Variants in TRPC3 observed in about 807,000 individuals in gnomAD.
The protein encoded by TRPC3 is short transient receptor potential channel 3.
TRPC3 carries 54 observed loss-of-function variants against 90.9 expected under a neutral mutation model. That is an observed-to-expected ratio of 0.59 (90% confidence interval 0.48 to 0.75). TRPC3 has a LOEUF of 0.75. TRPC3 is among the 30% of genes least tolerant of loss of function. TRPC3 has a pLI of 0.00. For missense variants in TRPC3, 918 were observed against 1,194.5 expected, an observed-to-expected ratio of 0.77 and a Z score of 3.41; for synonymous variants, 424 against 450.9, an observed-to-expected ratio of 0.94 and a Z score of 0.75.
At chr4:121,895,513 T>C (rs1728488778) in intron 10 of TRPC3, among the ~76,000 whole-genome samples, 1 of 151,802 alleles carries the variant, frequency 6.6e-6, no homozygotes, top group Admixed American at 6.6e-5. Flanking sequence ...GACATCACAA[T>C]GGATAATAGA....
intron 3 of TRPC3, among the ~76,000 whole-genome samples, chr4:121,916,536 G>C (rs1729323694): frequency 6.6e-6 from 1 of 152,158 alleles, no homozygotes; most frequent in Non-Finnish European, 1.5e-5. Context: ...GATCATGAGG[G>C]AGGAGCCTTC....
chr4:121,951,180 C>T lies in TRPC3; in HGVS notation c.215+286G>A, dbSNP rs1464407905. Among the ~76,000 whole-genome samples the T allele has an allele frequency of 6.6e-6, 1 of 152,210 alleles. No homozygotes were observed. The highest frequency in any genetic ancestry group is 1.5e-5 in the Non-Finnish European group (1 of 68,038). ...AGTGGCTGCTCGCCAGGATGCTTGTCTGAAGTCAGTGTGCCCGCCTGCGGG... is the reference window on the plus strand; with the variant it reads ...AGTGGCTGCTCGCCAGGATGCTTGTTTGAAGTCAGTGTGCCCGCCTGCGGG... On this transcript the variant is annotated intron_variant, in intron 1 of 11. Transcript: ENST00000379645. This position sits in a 1 kb window ranked among gnomAD's most constrained non-coding sequence, Gnocchi z 4.4.
intron 1 of TRPC3, among the ~76,000 whole-genome samples, chr4:121,946,496 C>T (rs576180647): frequency 1.1e-4 from 17 of 152,206 alleles, no homozygotes; most frequent in African/African-American, 2.7e-4. Context: ...CTTGACTTAG[C>T]GGTGAACAAT....
At chr4:121,916,772 G>A (rs1729332492) in intron 3 of TRPC3, among the ~76,000 whole-genome samples, 1 of 151,698 alleles carries the variant, frequency 6.6e-6, no homozygotes, top group African/African-American at 2.4e-5. Context: ...GGAGTGCAAT[G>A]GCACAATCTC....
rs1242816665 is a variant in TRPC3, at chr4:121,899,680, G to A, written c.2479C>T (p.Gln827Ter). 2.5e-6 allele frequency: 4 copies of A among 1,612,942 alleles called. No homozygotes were observed. The Admixed American group carries it at 5.0e-5, about 20-fold the overall frequency. ...GATTCAAAAACTCTTGAGTTAGACTGAGTGAAGAGGTTTAACTAGGAAAAA... is the reference window on the plus strand; with the variant it reads ...GATTCAAAAACTCTTGAGTTAGACTAAGTGAAGAGGTTTAACTAGGAAAAA... The part of the protein sequence containing the change: ...NSKSRLNLFT[Q>*]SNSRVFESHS... The change falls in exon 10 of 12, where the codon CAG becomes TAG. Residue 827 changes from glutamine (Q) to a stop codon, truncating the protein, a stop_gained. Transcript: ENST00000379645. LOFTEE classifies it high-confidence loss of function.
chr4:121,921,867 G>C (rs1257699773), intron 3 of TRPC3, among the ~76,000 whole-genome samples: 4 of 151,610 alleles, frequency 2.6e-5, no homozygotes, highest in Admixed American at 2.0e-4. Context: ...AATGAAGATG[G>C]GTGAGTGTTG....
intron 8 of TRPC3, among the ~76,000 whole-genome samples, chr4:121,903,873 G>A (rs1268201377): frequency 6.6e-6 from 1 of 152,148 alleles, no homozygotes; most frequent in Non-Finnish European, 1.5e-5. Context: ...CAACAGTGAA[G>A]AGAGGTACCA....
intron 2 of TRPC3, among the ~76,000 whole-genome samples, chr4:121,931,560 A>T (rs199692823): frequency 3.9e-4 from 10 of 25,462 alleles, no homozygotes; most frequent in African/African-American, 1.6e-3. Context: ...TTCACTTATT[A>T]AAAAAAATCT....
chr4:121,948,425 A>T (rs147928839), intron 1 of TRPC3, among the ~76,000 whole-genome samples: 10 of 151,134 alleles, frequency 6.6e-5, no homozygotes, highest in African/African-American at 2.4e-4. Flanking sequence ...ACTATTACAG[A>T]GTCTAATCTC....
At chr4:121,935,807 C>T (rs1730112545) in intron 1 of TRPC3, among the ~76,000 whole-genome samples, 1 of 152,010 alleles carries the variant, frequency 6.6e-6, no homozygotes, top group Admixed American at 6.6e-5. Flanking sequence ...TTAATGATTG[C>T]TATCTACAGG....
At position 121,877,201 on chromosome 4, in the gene TRPC3, G is replaced by A. The variant is rs1727787138; in HGVS notation, c.*2535C>T. On this transcript the variant is annotated 3_prime_UTR_variant, in exon 12 of 12. Coordinates refer to ENST00000379645, the MANE Select transcript of TRPC3 (RefSeq NM_001130698.2). Reference sequence around the variant, plus strand: ...GTATGCTACCACATTAATACCTTATGGCTTAGTGTGAGTTCCCTAAAAGCA... The same window carrying A: ...GTATGCTACCACATTAATACCTTATAGCTTAGTGTGAGTTCCCTAAAAGCA... Among the ~76,000 whole-genome samples the A allele has an allele frequency of 6.6e-6, 1 of 152,132 alleles. No homozygotes were observed. Among genetic ancestry groups the A allele is most frequent in the African/African-American group, 2.4e-5 (1 of 41,428 alleles).
chr4:121,927,575 T>C (rs896960340), intron 2 of TRPC3, among the ~76,000 whole-genome samples: 2 of 152,058 alleles, frequency 1.3e-5, no homozygotes, highest in Non-Finnish European at 2.9e-5. Flanking sequence ...AAAAAAGACA[T>C]GTGAAAAATT....
intron 8 of TRPC3, among the ~76,000 whole-genome samples, chr4:121,903,489 G>A (rs1560695000): frequency 6.6e-6 from 1 of 152,150 alleles, no homozygotes; most frequent in Non-Finnish European, 1.5e-5. Flanking sequence ...TATATTTCAA[G>A]GGCAAGGGGA....
At chr4:121,936,472 C>T (rs1429232547) in intron 1 of TRPC3, among the ~76,000 whole-genome samples, 1 of 152,158 alleles carries the variant, frequency 6.6e-6, no homozygotes, top group Non-Finnish European at 1.5e-5. Context: ...ACCACTGACC[C>T]GCAGATCTAT....
Position 121,900,310 on chromosome 4 carries a change from G to A in TRPC3, c.2464-615C>T, listed in dbSNP as rs148310412. Among the ~76,000 whole-genome samples the A allele has an allele frequency of 4.2e-3, 634 of 152,290 alleles. 9 individuals are homozygous for A. Among genetic ancestry groups the A allele is most frequent in the African/African-American group, 0.014 (595 of 41,550 alleles). ...GAACAGGAAGCAAGAGGAACACACA[G>A]GTAATACCTAGTCTTCATGTATACG... On this transcript the variant is annotated intron_variant, in intron 9 of 11. Transcript: ENST00000379645.
At chr4:121,914,385 G>GT (rs567671226) in intron 4 of TRPC3, among the ~76,000 whole-genome samples, 2 of 152,142 alleles carry the variant, frequency 1.3e-5, no homozygotes, top group Non-Finnish European at 2.9e-5. Context: ...AGTTCCCAGC[G>GT]TAACTGTTTC....
At chr4:121,926,283 C>T (rs1336766125) in intron 2 of TRPC3, among the ~76,000 whole-genome samples, 6 of 152,198 alleles carry the variant, frequency 3.9e-5, no homozygotes, top group Admixed American at 2.6e-4. Context: ...TGTAACCCTC[C>T]TCACTTTTCC....
chr4:121,949,090 A>G (rs1195732078), intron 1 of TRPC3, among the ~76,000 whole-genome samples: 1 of 152,076 alleles, frequency 6.6e-6, no homozygotes, highest in African/African-American at 2.4e-5. Context: ...GCCTTCCAAT[A>G]TCTTTTTTGG....
Position 121,951,583 on chromosome 4 carries a change from G to A in TRPC3, c.98C>T (p.Pro33Leu). The change falls in exon 1 of 12, where the codon CCG (proline) becomes CTG (leucine). Residue 33 changes from proline to leucine, a missense_variant. Coordinates refer to ENST00000379645, the MANE Select transcript of TRPC3 (RefSeq NM_001130698.2). This position sits in a 1 kb window ranked among gnomAD's most constrained non-coding sequence, Gnocchi z 4.4. Reference sequence around the variant, plus strand: ...CCTCCAGCCCCGGCGGCGGCGCTGCGGCTCCGCGCCCTCGTCCTCGCCCTC... The same window carrying A: ...CCTCCAGCCCCGGCGGCGGCGCTGCAGCTCCGCGCCCTCGTCCTCGCCCTC... Reference protein sequence around the residue: ...EDEGEDEGAEPQRRRRGWRGV... With the variant: ...EDEGEDEGAELQRRRRGWRGV... The A allele has an allele frequency of 1.4e-6, 2 of 1,448,080 alleles. No homozygotes were observed. Among genetic ancestry groups the A allele is most frequent in the Non-Finnish European group, 1.8e-6 (2 of 1,095,820 alleles). 89.7% of individuals were successfully genotyped at this position (1,448,080 alleles called of 1,614,324 possible). A position where few individuals can be genotyped will look rare whatever the true frequency, so the allele number is the denominator to read the frequency against.
Sources: allele counts gnomAD v4.1 joint callset (sites outside exome capture counted in the v4.1 genomes callset), GRCh38; gene constraint gnomAD v4.1.1; non-coding constraint Gnocchi (gnomAD v3.1); transcripts MANE v1.5; gene names NCBI Gene and HGNC (gene_info 2026-07-23, HGNC 2026-07-21).